ARFGEF1: variants seen among roughly 807,000 people sequenced by gnomAD.
The protein encoded by ARFGEF1 is ARF guanine nucleotide exchange factor 1, also known as brefeldin A-inhibited guanine nucleotide-exchange protein 1.
Under a neutral mutation model 231.0 loss-of-function variants are expected in ARFGEF1, and 42 were observed. The observed-to-expected ratio is 0.18, with a 90% CI of 0.14 to 0.24. The LOEUF (loss-of-function observed/expected upper bound fraction) is 0.24, where lower values mean the gene tolerates loss of function less well. Ranked by LOEUF, ARFGEF1 falls within the 10% of genes least tolerant of loss-of-function variation. The pLI, the probability that ARFGEF1 is intolerant of heterozygous loss-of-function variation, is 1.00. For synonymous variants in ARFGEF1, 710 were observed against 732.3 expected (o/e 0.97, Z 0.49); for missense variants, 1,345 against 2,192.0 (o/e 0.61, Z 7.72).
intron 34 of ARFGEF1, among the ~76,000 whole-genome samples, chr8:67,209,218 A>C (rs990832849): frequency 8.5e-5 from 13 of 152,248 alleles, no homozygotes; most frequent in African/African-American, 3.1e-4. Context: ...ATGGATAAAC[A>C]AAATGTGGTC....
At position 67,343,357 on chromosome 8, in the gene ARFGEF1, AG is replaced by A; in HGVS notation, c.-71del. The stretch of plus-strand genomic sequence containing the variant: ...AGCGGCTGGAGGGGAGGAGGAGGAG[AG>A]GAAGGAAGAGAAGAGAGAAAGGAGA... On this transcript the variant is annotated 5_prime_UTR_variant, in exon 1 of 39. Coordinates refer to ENST00000262215, the MANE Select transcript of ARFGEF1 (RefSeq NM_006421.5). The A allele has an allele frequency of 6.6e-7, 1 of 1,514,842 alleles. No individual in the cohort carries two copies. 93.8% of individuals were successfully genotyped at this position (1,514,842 alleles called of 1,614,324 possible).
intron 29 of ARFGEF1, among the ~76,000 whole-genome samples, chr8:67,221,851 T>C: frequency 6.6e-6 from 1 of 151,146 alleles, no homozygotes; most frequent in South Asian, 2.1e-4. Flanking sequence ...TCTTGCTCTG[T>C]CGCCCAGGCT....
At chr8:67,323,165 T>C (rs1390695222) in intron 1 of ARFGEF1, among the ~76,000 whole-genome samples, 9 of 152,136 alleles carry the variant, frequency 5.9e-5, no homozygotes, top group African/African-American at 2.2e-4. Context: ...GGCAGGAGAA[T>C]TGCTTGAATC....
intron 19 of ARFGEF1, among the ~76,000 whole-genome samples, chr8:67,242,749 T>C (rs919883813): frequency 3.9e-5 from 6 of 152,180 alleles, no homozygotes; most frequent in Admixed American, 6.5e-5. Flanking sequence ...GGCTCTGGGA[T>C]GGCATTTCTG....
intron 6 of ARFGEF1, among the ~76,000 whole-genome samples, chr8:67,290,196 T>C (rs1563892570): frequency 2.0e-5 from 3 of 152,210 alleles, no homozygotes; most frequent in Admixed American, 6.5e-5. Context: ...CAGGAAACTA[T>C]GTCTTTCTAA....
chr8:67,185,959 A>C (rs767157360), intron 5 of ARFGEF1, among the ~76,000 whole-genome samples: 1 of 152,204 alleles, frequency 6.6e-6, no homozygotes, highest in Non-Finnish European at 1.5e-5. Context: ...GGTCCTTTGC[A>C]CTTAAAGCAA....
At chr8:67,213,871 C>T (rs1165744107) in intron 33 of ARFGEF1, among the ~76,000 whole-genome samples, 1 of 152,236 alleles carries the variant, frequency 6.6e-6, no homozygotes, top group Non-Finnish European at 1.5e-5. Context: ...CCTCCACAAT[C>T]ACGTAAGCCA....
intron 5 of ARFGEF1, chr8:67,179,995 G>T: frequency 1.2e-6 from 1 of 822,888 alleles, no homozygotes; most frequent in Non-Finnish European, 2.0e-6. Context: ...TTAAAAACCA[G>T]TACTGTATTC....
rs1326673470 is a variant in ARFGEF1, at chr8:67,311,666, G to A, written c.125-9200C>T. Among the ~76,000 whole-genome samples, 43 of 151,872 alleles carry A rather than the reference G, an allele frequency of 2.8e-4. 1 individual carries two copies. The highest frequency in any genetic ancestry group is 4.2e-4 in the South Asian group (2 of 4,816). On this transcript the variant is annotated intron_variant, in intron 1 of 38. Transcript: ENST00000262215. ...CCGCCCCGTCCGGGAGGTGAGGGGC[G>A]CCTCTGCCCGGCCGCCCCTACTGGG...
chr8:67,184,086 C>G (rs547859356), intron 5 of ARFGEF1, among the ~76,000 whole-genome samples: 1 of 152,192 alleles, frequency 6.6e-6, no homozygotes, highest in East Asian at 1.9e-4. Flanking sequence ...CTCCTGACCT[C>G]AGGTGATCCC....
chr8:67,247,719 T>G (rs188534618), intron 19 of ARFGEF1, among the ~76,000 whole-genome samples: 7 of 150,384 alleles, frequency 4.7e-5, no homozygotes, highest in Admixed American at 4.7e-4. Context: ...GCTGGAGGAA[T>G]CAGAAAAGAG....
Position 67,216,766 on chromosome 8 carries a change from A to T in ARFGEF1, c.4614-104T>A, listed in dbSNP as rs551249599. ...AGAAAGTAACAAGAACATACCAACT[A>T]AACAGTCCATCTTTGACCACTGCTA... is the stretch of plus-strand genomic sequence containing the variant. On this transcript the variant is annotated intron_variant, in intron 32 of 38. Transcript: ENST00000262215. 11 of 795,714 alleles carry T rather than the reference A, an allele frequency of 1.4e-5. No individual in the cohort carries two copies. In the Admixed American group the frequency reaches 2.8e-4, roughly 20 times the overall value. 49.3% of individuals were successfully genotyped at this position (795,714 alleles called of 1,614,324 possible).
chr8:67,300,829 G>A (rs1285979082), intron 3 of ARFGEF1, among the ~76,000 whole-genome samples: 1 of 151,078 alleles, frequency 6.6e-6, no homozygotes, highest in Non-Finnish European at 1.5e-5. Context: ...AGGCAACAGA[G>A]CAAGACTTCG....
intron 1 of ARFGEF1, among the ~76,000 whole-genome samples, chr8:67,316,456 G>A (rs952018924): frequency 2.0e-5 from 3 of 151,776 alleles, no homozygotes; most frequent in East Asian, 3.9e-4. Flanking sequence ...AAACTGGACT[G>A]TTGTATAATT....
rs371767623 is a variant in ARFGEF1 at position 67,270,164 on chromosome 8, C to T, written c.1572+1538G>A. On this transcript the variant is annotated intron_variant, in intron 10 of 38. Coordinates refer to ENST00000262215, the MANE Select transcript of ARFGEF1 (RefSeq NM_006421.5). ...ATAATGGGGAAAAACTATCTAAAAA[C>T]GGCAACTCTTCCTAGTTAAACGCCT... 2.9e-4 allele frequency among the ~76,000 whole-genome samples: 44 copies of T among 152,208 alleles called. No homozygotes were observed. The Middle Eastern group carries it at 0.014, about 47-fold the overall frequency.
chr8:67,203,373 C>T, intron 35 of ARFGEF1, 122 bp from the exon 36 acceptor site: 1 of 1,146,182 alleles, frequency 8.7e-7, no homozygotes, highest in South Asian at 1.5e-5. Context: ...CTTGATCTAA[C>T]CTAACAGAAA....
At chr8:67,219,815 A>T (rs529309755) in intron 29 of ARFGEF1, among the ~76,000 whole-genome samples, 23 of 152,182 alleles carry the variant, frequency 1.5e-4, no homozygotes, top group Non-Finnish European at 3.1e-4. Context: ...CTCTTACCTC[A>T]CCAATGCAGC....
At chr8:67,218,179 AACT>A (rs1563843115) in intron 30 of ARFGEF1, 41 bp from the exon 31 acceptor site, 1 of 1,109,130 alleles carries the variant, frequency 9.0e-7, no homozygotes, top group Non-Finnish European at 1.2e-6. Context: ...GCCATTAATC[AACT>A]ACTATGATTA....
chr8:67,330,694 T>C (rs1311078719), intron 1 of ARFGEF1, among the ~76,000 whole-genome samples: 1 of 152,194 alleles, frequency 6.6e-6, no homozygotes, highest in Non-Finnish European at 1.5e-5. Flanking sequence ...ACCTTATTTT[T>C]ACTCTTCATC....
Sources: gnomAD v4.1 joint callset for allele counts (sites outside exome capture counted in the v4.1 genomes callset) on GRCh38, gnomAD v4.1.1 for gene constraint, MANE v1.5 for transcripts, NCBI Gene and HGNC (gene_info 2026-07-23, HGNC 2026-07-21) for gene names.